LRRC41: variants seen among roughly 807,000 people sequenced by gnomAD.
LRRC41 encodes the protein leucine-rich repeat-containing protein 41.
Under a neutral mutation model 72.1 loss-of-function variants are expected in LRRC41, and 17 were observed. That is an observed-to-expected ratio of 0.24 (90% CI 0.16 to 0.35). The LOEUF (loss-of-function observed/expected upper bound fraction) is 0.35. Among genes scored for constraint, LRRC41 ranks in the 10% least tolerant of loss-of-function variants. LRRC41 has a pLI of 1.00. For missense variants in LRRC41, 759 were observed against 1,065.0 expected (o/e 0.71, Z 4.00); for synonymous variants, 427 against 431.0 (o/e 0.99, Z 0.11).
intron 4 of LRRC41, among the ~76,000 whole-genome samples, chr1:46,282,746 A>C (rs1000592280): frequency 1.3e-5 from 2 of 152,064 alleles, no homozygotes; most frequent in African/African-American, 4.8e-5. Flanking sequence ...AGATACAACT[A>C]TAGGCCAGGT....
chr1:46,302,345 G>A lies in LRRC41; in HGVS notation c.199+779C>T, dbSNP rs1250022835. 2.0e-6 allele frequency: 2 copies of A among 985,190 alleles called. No individual in the cohort carries two copies. The highest frequency in any genetic ancestry group is 2.4e-6 in the Non-Finnish European group (2 of 829,794). 61.0% of individuals were successfully genotyped at this position (985,190 alleles called of 1,614,324 possible). A position where few individuals can be genotyped will look rare whatever the true frequency, so the allele number is the denominator to read the frequency against. ...TCCCTCGCTTGTTTAAGCCGCTCCG[G>A]GCCCCCCTCCACTCGCTCTCCGGTC... On this transcript the variant is annotated intron_variant, in intron 1 of 9. Transcript: ENST00000617190. This position sits in a 1 kb window ranked among gnomAD's most constrained non-coding sequence, Gnocchi z 4.7.
At chr1:46,303,006 C>T in intron 1 of LRRC41, 118 bp downstream of exon 1, 1 of 1,314,676 alleles carries the variant, frequency 7.6e-7, no homozygotes, top group South Asian at 2.2e-5. Context: ...TACGAGCTGG[C>T]TTTCAGCGCC....
chr1:46,281,424 G>GTGTC, intron 4 of LRRC41, 39 bp from the exon 5 acceptor site: 1 of 1,599,858 alleles, frequency 6.3e-7, no homozygotes, highest in South Asian at 1.1e-5. Flanking sequence ...CCATGTGGGA[G>GTGTC]TGTCAGCAGG....
In LRRC41 at chr1:46,281,313, C is replaced by T. The variant is rs557568349; in HGVS notation, c.1568G>A (p.Arg523His). 15 of 1,614,170 alleles carry T rather than the reference C, an allele frequency of 9.3e-6. No homozygotes were observed. Among genetic ancestry groups the T allele is most frequent in the African/African-American group, 2.7e-5 (2 of 75,034 alleles). The change falls in exon 5 of 10, where the codon CGT becomes CAT. Residue 523 changes from arginine (R) to histidine (H), a missense_variant. Around this residue, in one of 4 missense-constraint regions of LRRC41, gnomAD observed 427 missense variants for 520.9 expected, o/e 0.82. Coordinates refer to ENST00000617190, the MANE Select transcript of LRRC41 (RefSeq NM_006369.5). The stretch of plus-strand genomic sequence containing the variant: ...GAACAGGTCACTGAGATGCAGGGCA[C>T]GGAGGCGACATCCAGCCTGGCCTGA... The part of the protein sequence containing the change: ...ALSGQAGCRL[R>H]ALHLSDLFSP...
At chr1:46,297,178 A>G (rs534215587) in intron 3 of LRRC41, 1 of 168,864 alleles carries the variant, frequency 5.9e-6, no homozygotes, top group African/African-American at 2.4e-5. Flanking sequence ...AGCTGTTACT[A>G]ATCATACTCC....
chr1:46,302,440 G>C lies in LRRC41; in HGVS notation c.199+684C>G, dbSNP rs1661257179. The C allele has an allele frequency of 1.0e-6, 1 of 985,338 alleles. No individual in the cohort carries two copies. The highest frequency in any genetic ancestry group is 1.7e-5 in the African/African-American group (1 of 57,336). The allele number at this position is 985,338 out of a possible 1,614,324, so 61.0% of individuals were successfully genotyped here. ...TGTCCTGCGGGTCGCACGGTCGCTC[G>C]GTCGCTTAGTCAGTTTGGCACCCGA... On this transcript the variant is annotated intron_variant, in intron 1 of 9. Transcript: ENST00000617190. The surrounding 1 kb of genome is among the most constrained non-coding windows in gnomAD (Gnocchi z 4.7).
chr1:46,281,046 T>C, intron 5 of LRRC41, 79 bp downstream of exon 5: 1 of 1,561,610 alleles, frequency 6.4e-7, no homozygotes, highest in Non-Finnish European at 8.7e-7. Context: ...CCTTCCCCTT[T>C]CCCCATACGA....
At position 46,302,385 on chromosome 1, in the gene LRRC41, G is replaced by A. The variant is rs997936333; in HGVS notation, c.199+739C>T. On this transcript the variant is annotated intron_variant, in intron 1 of 9. Coordinates refer to ENST00000617190, the MANE Select transcript of LRRC41 (RefSeq NM_006369.5). The surrounding 1 kb of genome is among the most constrained non-coding windows in gnomAD (Gnocchi z 4.7). The stretch of plus-strand genomic sequence containing the variant: ...GCTCTCCGGTCCCTCCTCGCCGCTC[G>A]AGCCGATCCGAGTGGCCTCCGGCGC... 25 of 985,214 alleles carry A rather than the reference G, an allele frequency of 2.5e-5. No individual in the cohort carries two copies. The African/African-American group carries it at 4.4e-4, about 17-fold the overall frequency. The allele number at this position is 985,214 out of a possible 1,614,324, so 61.0% of individuals were successfully genotyped here.
Position 46,281,339 on chromosome 1 carries a change from C to G in LRRC41, c.1542G>C (p.Leu514=), listed in dbSNP as rs763604816. The change falls in exon 5 of 10, where the codon CTG becomes CTC. Residue 514 remains leucine, a synonymous_variant. Coordinates refer to ENST00000617190, the MANE Select transcript of LRRC41 (RefSeq NM_006369.5). ...GGAGGCGACATCCAGCCTGGCCTGA[C>G]AGGGCCCGCAGGCTGTCTAGCAGGC... ...IFRLLDSLRA[L]SGQAGCRLRA... 3 of 1,614,056 alleles carry G rather than the reference C, an allele frequency of 1.9e-6. No individual in the cohort carries two copies. The Admixed American group carries it at 5.0e-5, about 27-fold the overall frequency.
At position 46,279,271 on chromosome 1, in the gene LRRC41, G is replaced by C; in HGVS notation, c.2144-14C>G. 4.3e-6 allele frequency: 7 copies of C among 1,613,772 alleles called. No individual in the cohort carries two copies. Among genetic ancestry groups the C allele is most frequent in the Non-Finnish European group, 5.9e-6 (7 of 1,179,728 alleles). On this transcript the variant is annotated splice_polypyrimidine_tract_variant and intron_variant, in intron 8 of 9. Coordinates refer to ENST00000617190, the MANE Select transcript of LRRC41 (RefSeq NM_006369.5). This position sits in a 1 kb window ranked among gnomAD's most constrained non-coding sequence, Gnocchi z 4.5. ...GGCCAGCATTCCCTGGAGAGAAGGG[G>C]AGAACGCCTATCACCTCCACCCAAG...
At chr1:46,294,062 T>C (rs1458619475) in intron 3 of LRRC41, among the ~76,000 whole-genome samples, 1 of 151,568 alleles carries the variant, frequency 6.6e-6, no homozygotes, top group Non-Finnish European at 1.5e-5. Context: ...CACCTGCCTG[T>C]TGGTTTTATT....
chr1:46,286,446 T>C lies in LRRC41; in HGVS notation c.411A>G (p.Leu137=), dbSNP rs758598083. The C allele has an allele frequency of 1.9e-6, 3 of 1,610,490 alleles. No individual in the cohort carries two copies. Among genetic ancestry groups the C allele is most frequent in the Non-Finnish European group, 2.5e-6 (3 of 1,178,292 alleles). ...KFMEAFFSHV[L]RGTIDVSSDR... ...CAGAAGACACATCAATGGTCCCACGTAGAACATGGGAAAAAAAGGCCTCCA... is the reference window on the plus strand; with the variant it reads ...CAGAAGACACATCAATGGTCCCACGCAGAACATGGGAAAAAAAGGCCTCCA... Residue 137 remains leucine (L), a synonymous_variant, in exon 4 of 10, where the codon CTA becomes CTG. Coordinates refer to ENST00000617190, the MANE Select transcript of LRRC41 (RefSeq NM_006369.5). This position sits in a 1 kb window ranked among gnomAD's most constrained non-coding sequence, Gnocchi z 5.5.
In LRRC41 at chr1:46,303,326, G is replaced by C; in HGVS notation, c.-4C>G. On this transcript the variant is annotated 5_prime_UTR_variant, in exon 1 of 10. Transcript: ENST00000617190. ...GCCAGGCCTCGGGCGCCGCCATCTT[G>C]GGGAGGTGCGCGAGCCCGAGAGTGT... is the stretch of plus-strand genomic sequence containing the variant. 1 of 1,512,972 alleles carries C rather than the reference G, an allele frequency of 6.6e-7. No homozygotes were observed. Among genetic ancestry groups the C allele is most frequent in the Non-Finnish European group, 8.8e-7 (1 of 1,134,134 alleles). 93.7% of individuals were successfully genotyped at this position (1,512,972 alleles called of 1,614,324 possible). A position where few individuals can be genotyped will look rare whatever the true frequency, so the allele number is the denominator to read the frequency against.
chr1:46,303,603 G>T lies in LRRC41; in HGVS notation c.-281C>A. On this transcript the variant is annotated 5_prime_UTR_variant, in exon 1 of 10. The change creates a premature stop within an existing upstream ORF in the 5' untranslated region. Coordinates refer to ENST00000617190, the MANE Select transcript of LRRC41 (RefSeq NM_006369.5). Reference sequence around the variant, plus strand: ...CCCTAACCTCTGCCTGCGGCTGGTAGTACATGCCAATCTGAGCATGTGTTC... The same window carrying T: ...CCCTAACCTCTGCCTGCGGCTGGTATTACATGCCAATCTGAGCATGTGTTC... 1.8e-6 allele frequency: 2 copies of T among 1,081,344 alleles called. No homozygotes were observed. Among genetic ancestry groups the T allele is most frequent in the Non-Finnish European group, 2.7e-6 (2 of 748,806 alleles). The allele number at this position is 1,081,344 out of a possible 1,614,324, so 67.0% of individuals were successfully genotyped here.
intron 3 of LRRC41, chr1:46,296,615 T>C (rs1218287361): frequency 6.6e-6 from 1 of 152,206 alleles, no homozygotes; most frequent in Non-Finnish European, 1.5e-5. Flanking sequence ...CAGTGATTTA[T>C]ATCTGTATCA....
At position 46,279,412 on chromosome 1, in the gene LRRC41, G is replaced by GTCTT; in HGVS notation, c.2143+76_2143+79dup. On this transcript the variant is annotated intron_variant, in intron 8 of 9. Coordinates refer to ENST00000617190, the MANE Select transcript of LRRC41 (RefSeq NM_006369.5). This position sits in a 1 kb window ranked among gnomAD's most constrained non-coding sequence, Gnocchi z 4.5. The stretch of plus-strand genomic sequence containing the variant: ...CAACTCCCACGTTCCCAGTGGAGAG[G>GTCTT]TCTTTGCCTTTATCCAGTGAGTTTT... 6.2e-7 allele frequency: 1 copy of GTCTT among 1,604,392 alleles called. No homozygotes were observed.
rs1660690008 is a variant in LRRC41 at position 46,278,434 on chromosome 1, C to CT, written c.*430dup. Reference sequence around the variant, plus strand: ...CCCAAAATTTATTTTATAAGAAAAACTTTTTTGGTTAAAAAAAAGAATAAA... The same window carrying CT: ...CCCAAAATTTATTTTATAAGAAAAACTTTTTTTGGTTAAAAAAAAGAATAAA... On this transcript the variant is annotated 3_prime_UTR_variant, in exon 10 of 10. Coordinates refer to ENST00000617190, the MANE Select transcript of LRRC41 (RefSeq NM_006369.5). The CT allele has an allele frequency of 3.2e-6, 3 of 939,528 alleles. No individual in the cohort carries two copies. Among genetic ancestry groups the CT allele is most frequent in the Non-Finnish European group, 4.9e-6 (3 of 614,380 alleles). 58.2% of individuals were successfully genotyped at this position (939,528 alleles called of 1,614,324 possible).
chr1:46,288,235 CA>C (rs1660925093), intron 3 of LRRC41, among the ~76,000 whole-genome samples: 1 of 152,098 alleles, frequency 6.6e-6, no homozygotes, highest in Non-Finnish European at 1.5e-5. Context: ...AGACAGGTAC[CA>C]GACCCCAAAG....
intron 3 of LRRC41, among the ~76,000 whole-genome samples, chr1:46,290,156 G>T (rs1195781952): frequency 6.6e-6 from 1 of 152,150 alleles, no homozygotes; most frequent in African/African-American, 2.4e-5. Context: ...GCATGTAATC[G>T]CAGTACTTGG....
Sources: allele counts gnomAD v4.1 joint callset (sites outside exome capture counted in the v4.1 genomes callset), GRCh38; gene constraint gnomAD v4.1.1; regional missense constraint gnomAD v4.1.1; non-coding constraint Gnocchi (gnomAD v3.1); transcripts MANE v1.5; gene names NCBI Gene and HGNC (gene_info 2026-07-23, HGNC 2026-07-21).